LRP6: variants seen among roughly 807,000 people sequenced by gnomAD.
LRP6 encodes the protein LDL receptor related protein 6.
In LRP6, 43 loss-of-function variants were observed where a neutral mutation model predicts 184.1. The observed-to-expected ratio is 0.23, with a 90% CI of 0.18 to 0.30. The LOEUF (loss-of-function observed/expected upper bound fraction) is 0.30, where lower values mean the gene tolerates loss of function less well. LRP6 is among the 10% of genes least tolerant of loss of function. LRP6 has a pLI of 1.00. For synonymous variants in LRP6, 719 were observed against 684.9 expected (o/e 1.05, Z -0.78); for missense variants, 1,571 against 2,005.3 (o/e 0.78, Z 4.14).
At chr12:12,175,919 C>CA in intron 7 of LRP6, among the ~76,000 whole-genome samples, 1 of 151,544 alleles carries the variant, frequency 6.6e-6, no homozygotes, top group South Asian at 2.1e-4. Flanking sequence ...TACACCATGG[C>CA]AAAAATGCTT....
At chr12:12,265,028 A>G (rs1446935934) in intron 1 of LRP6, among the ~76,000 whole-genome samples, 1 of 152,260 alleles carries the variant, frequency 6.6e-6, no homozygotes, top group Non-Finnish European at 1.5e-5. Context: ...TCCAAGAAAT[A>G]CAACTAGACA....
intron 14 of LRP6, 85 bp from the exon 15 acceptor site, chr12:12,147,641 A>C (rs1950028801): frequency 8.9e-7 from 1 of 1,117,754 alleles, no homozygotes; most frequent in African/African-American, 1.6e-5. Context: ...AAATGGAGGT[A>C]GAGTATTTTT....
chr12:12,164,115 G>A (rs1177209106), intron 9 of LRP6, among the ~76,000 whole-genome samples, 158 bp downstream of exon 9: 2 of 149,336 alleles, frequency 1.3e-5, no homozygotes, highest in Non-Finnish European at 3.0e-5. Flanking sequence ...GGGTGACAGA[G>A]CAAGACACCG....
chr12:12,216,666 A>AG (rs1275033447), intron 2 of LRP6, among the ~76,000 whole-genome samples: 1 of 151,614 alleles, frequency 6.6e-6, no homozygotes, highest in Non-Finnish European at 1.5e-5. Flanking sequence ...AAAAAAAAAA[A>AG]AAAAGAAAAG....
chr12:12,257,779 CAAAAAAA>C lies in LRP6; in HGVS notation c.55+8895_55+8901del, dbSNP rs1163180718. 0.011 allele frequency among the ~76,000 whole-genome samples: 386 copies of C among 35,296 alleles called. 8 individuals carry two copies. In the East Asian group the frequency reaches 0.19, roughly 17 times the overall value. The allele number at this position is 35,296 out of a possible 152,430, so 23.2% of individuals were successfully genotyped here. On this transcript the variant is annotated intron_variant, in intron 1 of 22. Transcript: ENST00000261349. Reference sequence around the variant, plus strand: ...GCAACATAGTAAGACCCTGTCTCTACAAAAAAAAAAAAAAAAAAAAAAAAAAAAAAAT... The same window carrying C: ...GCAACATAGTAAGACCCTGTCTCTACAAAAAAAAAAAAAAAAAAAAAAAAT...
At chr12:12,244,014 G>A (rs1387461289) in intron 2 of LRP6, among the ~76,000 whole-genome samples, 2 of 152,138 alleles carry the variant, frequency 1.3e-5, no homozygotes, top group East Asian at 3.8e-4. Context: ...AGCCTGGGAG[G>A]CTGACAGTGC....
At chr12:12,227,125 C>A (rs558788299) in intron 2 of LRP6, among the ~76,000 whole-genome samples, 6 of 151,972 alleles carry the variant, frequency 3.9e-5, no homozygotes, top group African/African-American at 1.4e-4. Flanking sequence ...GAGAATAGAG[C>A]GAAATATTTT....
intron 2 of LRP6, among the ~76,000 whole-genome samples, chr12:12,212,452 C>A (rs1292410713): frequency 6.6e-6 from 1 of 152,132 alleles, no homozygotes; most frequent in Non-Finnish European, 1.5e-5. Context: ...TACCCACTTC[C>A]ACACCTTGTC....
At chr12:12,263,214 G>A (rs542634018) in intron 1 of LRP6, among the ~76,000 whole-genome samples, 20 of 149,112 alleles carry the variant, frequency 1.3e-4, no homozygotes, top group African/African-American at 4.2e-4. Flanking sequence ...GCAGTGAGCC[G>A]AGATCATGCC....
At chr12:12,122,775 T>G (rs1949622294) in intron 22 of LRP6, among the ~76,000 whole-genome samples, 1 of 152,012 alleles carries the variant, frequency 6.6e-6, no homozygotes, top group Non-Finnish European at 1.5e-5. Context: ...GAGACTGCAG[T>G]AAGCTGTGAT....
chr12:12,125,292 T>C lies in LRP6; in HGVS notation c.4449+4A>G, dbSNP rs755349716. ...TCGCATTCAAAGGAAAACAGACTAC[T>C]TACTGCAGGGAAGTAAGTGCCTTTG... is the stretch of plus-strand genomic sequence containing the variant. On this transcript the variant is annotated splice_donor_region_variant and intron_variant, in intron 21 of 22. Transcript: ENST00000261349. The C allele has an allele frequency of 1.2e-6, 2 of 1,614,056 alleles. No homozygotes were observed. The highest frequency in any genetic ancestry group is 2.2e-5 in the South Asian group (2 of 91,070).
Position 12,145,256 on chromosome 12 carries a change from G to GT in LRP6, c.3397+2109dup, listed in dbSNP as rs373399799. 3.4e-3 allele frequency among the ~76,000 whole-genome samples: 510 copies of GT among 152,024 alleles called. 5 individuals are homozygous for GT. Among genetic ancestry groups the GT allele is most frequent in the African/African-American group, 0.011 (470 of 41,428 alleles). ...ATACCAGGCGTGTAACTATACATGC[G>GT]TAAGTGTGTGCCTAACTGTCTGGAA... On this transcript the variant is annotated intron_variant, in intron 15 of 22. Transcript: ENST00000261349.
chr12:12,198,256 T>C (rs565402657), intron 3 of LRP6, among the ~76,000 whole-genome samples: 9 of 152,264 alleles, frequency 5.9e-5, no homozygotes, highest in African/African-American at 2.2e-4. Flanking sequence ...TAGTTGTTCA[T>C]AGTTGTTCTA....
At chr12:12,240,688 A>G (rs1028057555) in intron 2 of LRP6, among the ~76,000 whole-genome samples, 1 of 152,218 alleles carries the variant, frequency 6.6e-6, no homozygotes, top group African/African-American at 2.4e-5. Context: ...ACTTTATAAA[A>G]AAAATCTAAA....
At chr12:12,259,020 G>A (rs1399827539) in intron 1 of LRP6, among the ~76,000 whole-genome samples, 1 of 152,198 alleles carries the variant, frequency 6.6e-6, no homozygotes, top group Non-Finnish European at 1.5e-5. Flanking sequence ...CCAGCACTTT[G>A]GAAGGCCAAA....
intron 1 of LRP6, chr12:12,248,949 G>C (rs539395628): frequency 2.2e-6 from 1 of 460,194 alleles, no homozygotes; most frequent in African/African-American, 2.0e-5. Flanking sequence ...CCAAATGACA[G>C]AGTATAAAAA....
chr12:12,224,857 T>A (rs188608186), intron 2 of LRP6, among the ~76,000 whole-genome samples: 159 of 152,248 alleles, frequency 1.0e-3, no homozygotes, highest in African/African-American at 3.5e-3. Flanking sequence ...ACCAAGGATA[T>A]AAATAAGGTA....
At chr12:12,156,298 C>T (rs1046040667) in intron 12 of LRP6, among the ~76,000 whole-genome samples, 1 of 152,176 alleles carries the variant, frequency 6.6e-6, no homozygotes, top group African/African-American at 2.4e-5. Flanking sequence ...GCAGAGTAAA[C>T]AAGCAGTTCA....
intron 15 of LRP6, among the ~76,000 whole-genome samples, chr12:12,142,457 T>C (rs1164862678): frequency 6.6e-6 from 1 of 152,092 alleles, no homozygotes; most frequent in African/African-American, 2.4e-5. Context: ...ATGCACTGGA[T>C]GCAATTCGCT....
Sources: allele counts gnomAD v4.1 joint callset (sites outside exome capture counted in the v4.1 genomes callset), GRCh38; gene constraint gnomAD v4.1.1; transcripts MANE v1.5; gene names NCBI Gene and HGNC (gene_info 2026-07-23, HGNC 2026-07-21).